Variants in ZNF212 observed in about 807,000 individuals in gnomAD.
The protein encoded by ZNF212 is Zinc finger protein C2H2-150.
A neutral mutation model predicts 47.3 loss-of-function variants in ZNF212; 32 were observed. The observed-to-expected ratio is 0.68, with a 90% CI of 0.51 to 0.91. The LOEUF (loss-of-function observed/expected upper bound fraction) is 0.91, where lower values mean the gene tolerates loss of function less well. ZNF212 is among the 40% of genes least tolerant of loss of function. ZNF212 has a pLI of 0.00. For missense variants in ZNF212, 555 were observed against 622.8 expected (o/e 0.89, Z 1.16); for synonymous variants, 242 against 253.8 (o/e 0.95, Z 0.44).
At position 149,254,519 on chromosome 7, in the gene ZNF212, G is replaced by T; in HGVS notation, c.*104G>T. 1.4e-6 allele frequency: 2 copies of T among 1,438,830 alleles called. No individual in the cohort carries two copies. The highest frequency in any genetic ancestry group is 1.8e-6 in the Non-Finnish European group (2 of 1,094,990). The allele number at this position is 1,438,830 out of a possible 1,614,324, so 89.1% of individuals were successfully genotyped here. A position where few individuals can be genotyped will look rare whatever the true frequency, so the allele number is the denominator to read the frequency against. On this transcript the variant is annotated 3_prime_UTR_variant, in exon 5 of 5. Transcript: ENST00000335870. The surrounding 1 kb of genome is among the most constrained non-coding windows in gnomAD (Gnocchi z 4.5). Reference sequence around the variant, plus strand: ...GAGTTCTTCCTGAGGGCAGTTGTTTGTGATTGCCTTCCCTTGTCCCAGTAC... The same window carrying T: ...GAGTTCTTCCTGAGGGCAGTTGTTTTTGATTGCCTTCCCTTGTCCCAGTAC...
At chr7:149,239,878 G>C in intron 1 of ZNF212, 76 bp downstream of exon 1, 1 of 1,254,878 alleles carries the variant, frequency 8.0e-7, no homozygotes, top group Non-Finnish European at 1.0e-6. Context: ...GGGGCTTCGC[G>C]GTTTGGACGC....
At position 149,255,271 on chromosome 7, in the gene ZNF212, T is replaced by A. The variant is rs186722579; in HGVS notation, c.*856T>A. 5.2e-5 allele frequency: 8 copies of A among 153,522 alleles called. No homozygotes were observed. The highest frequency in any genetic ancestry group is 1.9e-4 in the African/African-American group (8 of 41,578). 9.5% of individuals were successfully genotyped at this position (153,522 alleles called of 1,614,324 possible). A position where few individuals can be genotyped will look rare whatever the true frequency, so the allele number is the denominator to read the frequency against. On this transcript the variant is annotated 3_prime_UTR_variant, in exon 5 of 5. Transcript: ENST00000335870. ...GGCATACCCCTCTCCTCTTCCCACC[T>A]CCTCCTGGCTATGTTCTGCAGCCTC...
At chr7:149,250,653 A>T in intron 2 of ZNF212, 28 bp from the exon 3 acceptor site, 1 of 1,614,088 alleles carries the variant, frequency 6.2e-7, no homozygotes, top group South Asian at 1.1e-5. Flanking sequence ...GAGTAGAAGC[A>T]CTCATGGTGT....
chr7:149,246,621 C>T (rs759978253), intron 1 of ZNF212, among the ~76,000 whole-genome samples: 2 of 152,100 alleles, frequency 1.3e-5, no homozygotes, highest in Admixed American at 6.5e-5. Context: ...CTCCTGACCT[C>T]ATGATCAATC....
intron 1 of ZNF212, among the ~76,000 whole-genome samples, chr7:149,242,200 T>C (rs1796602891): frequency 6.6e-6 from 1 of 151,756 alleles, no homozygotes; most frequent in African/African-American, 2.4e-5. Context: ...TTTGTATTTT[T>C]AGTAGAGATG....
rs1317638957 is a variant in ZNF212 at position 149,255,283 on chromosome 7, T to C, written c.*868T>C. 1 of 153,656 alleles carries C rather than the reference T, an allele frequency of 6.5e-6. No homozygotes were observed. Among genetic ancestry groups the C allele is most frequent in the Non-Finnish European group, 1.5e-5 (1 of 68,090 alleles). 9.5% of individuals were successfully genotyped at this position (153,656 alleles called of 1,614,324 possible). On this transcript the variant is annotated 3_prime_UTR_variant, in exon 5 of 5. Coordinates refer to ENST00000335870, the MANE Select transcript of ZNF212 (RefSeq NM_012256.4). Reference sequence around the variant, plus strand: ...TCCTCTTCCCACCTCCTCCTGGCTATGTTCTGCAGCCTCCCAGAGTAGAAA... The same window carrying C: ...TCCTCTTCCCACCTCCTCCTGGCTACGTTCTGCAGCCTCCCAGAGTAGAAA...
At chr7:149,246,123 C>T (rs868042962) in intron 1 of ZNF212, among the ~76,000 whole-genome samples, 1 of 152,180 alleles carries the variant, frequency 6.6e-6, no homozygotes, top group Non-Finnish European at 1.5e-5. Flanking sequence ...GGGTTCTTGA[C>T]CTTTTTCCAC....
At chr7:149,242,907 GA>G (rs1192418821) in intron 1 of ZNF212, among the ~76,000 whole-genome samples, 1 of 152,072 alleles carries the variant, frequency 6.6e-6, no homozygotes, top group Non-Finnish European at 1.5e-5. Flanking sequence ...CAGAAAGGGG[GA>G]TAATGGAATA....
rs1266711769 is a variant in ZNF212 at position 149,250,167 on chromosome 7, A to G, written c.33A>G (p.Arg11=). ...TGTCTTTAATCCATCAGCACAGGAG[A>G]AAACGACGCTCCACACCTTTAACTT... The part of the protein sequence containing the change: MAESAPARHR[R]KRRSTPLTSS... The change falls in exon 2 of 5, where the codon AGA becomes AGG. Residue 11 remains arginine, a synonymous_variant. Coordinates refer to ENST00000335870, the MANE Select transcript of ZNF212 (RefSeq NM_012256.4). 1.3e-6 allele frequency: 2 copies of G among 1,525,530 alleles called. No individual in the cohort carries two copies. The highest frequency in any genetic ancestry group is 4.5e-5 in the East Asian group (2 of 44,192). 94.5% of individuals were successfully genotyped at this position (1,525,530 alleles called of 1,614,324 possible). A position where few individuals can be genotyped will look rare whatever the true frequency, so the allele number is the denominator to read the frequency against.
Position 149,250,685 on chromosome 7 carries a change from C to T in ZNF212, c.419C>T (p.Ser140Phe), listed in dbSNP as rs779169890. 5.6e-6 allele frequency: 9 copies of T among 1,614,150 alleles called. No individual in the cohort carries two copies. The highest frequency in any genetic ancestry group is 7.6e-6 in the Non-Finnish European group (9 of 1,180,036). Residue 140 changes from serine (S) to phenylalanine (F), a missense_variant, in exon 3 of 5, where the codon TCC (serine) becomes TTC (phenylalanine). Physicochemically the swap from Ser to Phe is radical, Grantham distance 155. Coordinates refer to ENST00000335870, the MANE Select transcript of ZNF212 (RefSeq NM_012256.4). ...PGSKGEAPKV[S>F]RSLENDGVCF... Reference sequence around the variant, plus strand: ...GTGTGCCATTGGTGATTCCAGGTGTCCAGGTCACTGGAGAATGATGGCGTC... The same window carrying T: ...GTGTGCCATTGGTGATTCCAGGTGTTCAGGTCACTGGAGAATGATGGCGTC...
chr7:149,241,431 CAAAAA>C (rs35747561), intron 1 of ZNF212, among the ~76,000 whole-genome samples: 11 of 76,760 alleles, frequency 1.4e-4, no homozygotes, highest in Admixed American at 1.0e-3. Flanking sequence ...GACTCTGTCT[CAAAAA>C]AAAAAAAAAA....
At chr7:149,243,865 A>G (rs1796636111) in intron 1 of ZNF212, among the ~76,000 whole-genome samples, 2 of 152,200 alleles carry the variant, frequency 1.3e-5, no homozygotes, top group Non-Finnish European at 2.9e-5. Context: ...AGTGGCCACT[A>G]GGCACATGTG....
intron 1 of ZNF212, among the ~76,000 whole-genome samples, chr7:149,245,180 C>A (rs969137352): frequency 1.3e-5 from 2 of 151,768 alleles, no homozygotes; most frequent in Admixed American, 6.6e-5. Context: ...GAAACCCTGT[C>A]CCTACTAAAA....
In ZNF212 at chr7:149,254,816, C is replaced by T. The variant is rs1426239859; in HGVS notation, c.*401C>T. 1 of 188,158 alleles carries T rather than the reference C, an allele frequency of 5.3e-6. No homozygotes were observed. Among genetic ancestry groups the T allele is most frequent in the Non-Finnish European group, 1.1e-5 (1 of 92,412 alleles). The allele number at this position is 188,158 out of a possible 1,614,324, so 11.7% of individuals were successfully genotyped here. On this transcript the variant is annotated 3_prime_UTR_variant, in exon 5 of 5. Coordinates refer to ENST00000335870, the MANE Select transcript of ZNF212 (RefSeq NM_012256.4). This position sits in a 1 kb window ranked among gnomAD's most constrained non-coding sequence, Gnocchi z 4.5. Reference sequence around the variant, plus strand: ...TGGAAGAGTTCTGGGAAGTATAACCCTCCATTTTTTCTTGTTTTATAATCT... The same window carrying T: ...TGGAAGAGTTCTGGGAAGTATAACCTTCCATTTTTTCTTGTTTTATAATCT...
Position 149,254,016 on chromosome 7 carries a change from C to T in ZNF212, c.1089C>T (p.Thr363=), listed in dbSNP as rs944270363. 1.9e-6 allele frequency: 3 copies of T among 1,612,930 alleles called. No homozygotes were observed. The highest frequency in any genetic ancestry group is 2.5e-6 in the Non-Finnish European group (3 of 1,179,442). ...LRPRPRLKPQ[T]KKAKLHQCDV... Reference sequence around the variant, plus strand: ...CCAGGCCACGGCTGAAACCACAGACCAAAAAGGCCAAGCTGCATCAGTGTG... The same window carrying T: ...CCAGGCCACGGCTGAAACCACAGACTAAAAAGGCCAAGCTGCATCAGTGTG... The change falls in exon 5 of 5, where the codon ACC becomes ACT. Residue 363 remains threonine, a synonymous_variant. Coordinates refer to ENST00000335870, the MANE Select transcript of ZNF212 (RefSeq NM_012256.4). This position sits in a 1 kb window ranked among gnomAD's most constrained non-coding sequence, Gnocchi z 4.5.
intron 1 of ZNF212, among the ~76,000 whole-genome samples, chr7:149,241,147 C>G (rs541624651): frequency 6.6e-6 from 1 of 152,140 alleles, no homozygotes; most frequent in South Asian, 2.1e-4. Flanking sequence ...TAAAGGTCCA[C>G]CACAGGCCAG....
At position 149,252,775 on chromosome 7, in the gene ZNF212, G is replaced by A. The variant is rs766407765; in HGVS notation, c.611G>A (p.Gly204Asp). The A allele has an allele frequency of 2.5e-6, 4 of 1,614,066 alleles. No homozygotes were observed. The highest frequency in any genetic ancestry group is 3.4e-6 in the Non-Finnish European group (4 of 1,180,016). ...TEMLGDLEEE[G>D]PGGAHPAGGV... ...ATGCTGGGTGACTTGGAAGAGGAAG[G>A]TCCTGGTGGTGCCCACCCAGGTGAG... Residue 204 changes from glycine to aspartate, a missense_variant, in exon 4 of 5, where the codon GGT becomes GAT. Gly to Asp is a moderately conservative substitution (Grantham distance 94, BLOSUM62 -1). Coordinates refer to ENST00000335870, the MANE Select transcript of ZNF212 (RefSeq NM_012256.4).
intron 1 of ZNF212, among the ~76,000 whole-genome samples, chr7:149,241,950 A>T (rs1431058566): frequency 1.3e-5 from 2 of 152,012 alleles, no homozygotes; most frequent in African/African-American, 4.8e-5. Flanking sequence ...CACTGAGATT[A>T]CAGGCGTGAG....
chr7:149,250,852 C>T (rs1274646051), intron 3 of ZNF212, 45 bp downstream of exon 3: 2 of 1,608,348 alleles, frequency 1.2e-6, no homozygotes, highest in Admixed American at 3.3e-5. Context: ...AGACATACTA[C>T]AATTCCTGGC....
Sources: allele counts gnomAD v4.1 joint callset (sites outside exome capture counted in the v4.1 genomes callset), GRCh38; gene constraint gnomAD v4.1.1; non-coding constraint Gnocchi (gnomAD v3.1); transcripts MANE v1.5; gene names NCBI Gene and HGNC (gene_info 2026-07-23, HGNC 2026-07-21).